TRPV2: variants seen among roughly 807,000 people sequenced by gnomAD.
TRPV2 encodes transient receptor potential cation channel subfamily V member 2.
TRPV2 carries 58 observed loss-of-function variants against 91.0 expected under a neutral mutation model. The ratio of observed to expected loss-of-function variants is 0.64; its 90% confidence interval spans 0.52 to 0.79. The LOEUF (loss-of-function observed/expected upper bound fraction) is 0.79, where lower values mean the gene tolerates loss of function less well. Among genes scored for constraint, TRPV2 ranks in the 30% least tolerant of loss-of-function variants. TRPV2 has a pLI of 0.00. For missense variants in TRPV2, 807 were observed against 969.6 expected, an observed-to-expected ratio of 0.83 and a Z score of 2.23; for synonymous variants, 417 against 414.8, an observed-to-expected ratio of 1.01 and a Z score of -0.06.
chr17:16,420,347 T>C, intron 3 of TRPV2, 99 bp downstream of exon 3: 1 of 1,394,918 alleles, frequency 7.2e-7, no homozygotes, highest in Non-Finnish European at 9.9e-7. Context: ...GAGGAGTGAG[T>C]GTTCTCAGCA....
At chr17:16,422,239 CG>C (rs1568907151) in intron 3 of TRPV2, among the ~76,000 whole-genome samples, 2 of 148,434 alleles carry the variant, frequency 1.3e-5, no homozygotes, top group African/African-American at 5.0e-5. Flanking sequence ...AGGAAAACGG[CG>C]TGAACCTGGG....
At chr17:16,434,264 C>G (rs753094714) in intron 13 of TRPV2, among the ~76,000 whole-genome samples, 2 of 152,120 alleles carry the variant, frequency 1.3e-5, no homozygotes, top group South Asian at 2.1e-4. Context: ...GTCAGGAGAT[C>G]GAGACCATCC....
Position 16,426,624 on chromosome 17 carries a change from C to G in TRPV2, c.1096-98C>G, listed in dbSNP as rs1469670187. On this transcript the variant is annotated intron_variant, in intron 6 of 14. Coordinates refer to ENST00000338560, the MANE Select transcript of TRPV2 (RefSeq NM_016113.5). The surrounding 1 kb of genome is among the most constrained non-coding windows in gnomAD (Gnocchi z 6.0). ...TGTGGAAGCCTGCTCCCTGTCCTCTCTCCTCATTTCCTGGGCCCTTGCTTT... is the reference window on the plus strand; with the variant it reads ...TGTGGAAGCCTGCTCCCTGTCCTCTGTCCTCATTTCCTGGGCCCTTGCTTT... 5 of 1,407,728 alleles carry G rather than the reference C, an allele frequency of 3.6e-6. No individual in the cohort carries two copies. The highest frequency in any genetic ancestry group is 3.9e-6 in the Non-Finnish European group (4 of 1,036,838). 87.2% of individuals were successfully genotyped at this position (1,407,728 alleles called of 1,614,324 possible).
In TRPV2 at chr17:16,415,709, A is replaced by T. The variant is rs1013111327; in HGVS notation, c.-232A>T. On this transcript the variant is annotated 5_prime_UTR_variant, in exon 1 of 15. Coordinates refer to ENST00000338560, the MANE Select transcript of TRPV2 (RefSeq NM_016113.5). This position sits in a 1 kb window ranked among gnomAD's most constrained non-coding sequence, Gnocchi z 4.5. The stretch of plus-strand genomic sequence containing the variant: ...GCTTAGTGCTCAGAGCTGGGGAGGG[A>T]GGTTCCGCCGCTCCTCTGCTGTCAG... 2.0e-5 allele frequency: 3 copies of T among 151,852 alleles called. No homozygotes were observed. The highest frequency in any genetic ancestry group is 7.3e-5 in the African/African-American group (3 of 41,312). The allele number at this position is 151,852 out of a possible 1,614,324, so 9.4% of individuals were successfully genotyped here.
chr17:16,433,756 C>T lies in TRPV2; in HGVS notation c.2114+58C>T. 4 of 1,595,824 alleles carry T rather than the reference C, an allele frequency of 2.5e-6. No homozygotes were observed. The Admixed American group carries it at 5.1e-5, about 20-fold the overall frequency. The stretch of plus-strand genomic sequence containing the variant: ...CTTGCTGTCCAGCAATCCCTGGGGC[C>T]CCCCTGCAGTGCAGGGCACAGCTGC... On this transcript the variant is annotated intron_variant, in intron 13 of 14. Coordinates refer to ENST00000338560, the MANE Select transcript of TRPV2 (RefSeq NM_016113.5).
At chr17:16,428,696 A>G in intron 9 of TRPV2, 121 bp from the exon 10 acceptor site, 1 of 1,093,152 alleles carries the variant, frequency 9.1e-7, no homozygotes. Context: ...GAGGGAACTG[A>G]GGCCCACAGA....
At position 16,429,057 on chromosome 17, in the gene TRPV2, T is replaced by C. The variant is rs2093398262; in HGVS notation, c.1587+75T>C. On this transcript the variant is annotated intron_variant, in intron 10 of 14. Transcript: ENST00000338560. ...GAAGAGCCTTCCTCCACAGCTATCCTAGGCAGAGGAGGGCATGTGTACATC... is the reference window on the plus strand; with the variant it reads ...GAAGAGCCTTCCTCCACAGCTATCCCAGGCAGAGGAGGGCATGTGTACATC... The C allele has an allele frequency of 4.2e-5, 63 of 1,516,616 alleles. 2 individuals carry two copies. In the South Asian group the frequency reaches 7.5e-4, roughly 18 times the overall value. 93.9% of individuals were successfully genotyped at this position (1,516,616 alleles called of 1,614,324 possible).
At chr17:16,428,786 G>T (rs751000263) in intron 9 of TRPV2, 31 bp from the exon 10 acceptor site, 5 of 1,611,622 alleles carry the variant, frequency 3.1e-6, no homozygotes, top group Non-Finnish European at 2.5e-6. Flanking sequence ...CAAGTGGCCC[G>T]CAAGCCCACC....
At position 16,426,409 on chromosome 17, in the gene TRPV2, G is replaced by A. The variant is rs532030957; in HGVS notation, c.1095+140G>A. ...TGTGGCTGCATGTCCCAGCAGGCACGACCCTGACCATGGCCACCGGGCCCA... is the reference window on the plus strand; with the variant it reads ...TGTGGCTGCATGTCCCAGCAGGCACAACCCTGACCATGGCCACCGGGCCCA... On this transcript the variant is annotated intron_variant, in intron 6 of 14. Transcript: ENST00000338560. The surrounding 1 kb of genome is among the most constrained non-coding windows in gnomAD (Gnocchi z 6.0). The A allele has an allele frequency of 4.5e-6, 5 of 1,102,604 alleles. No homozygotes were observed. The South Asian group carries it at 6.1e-5, about 13-fold the overall frequency. 68.3% of individuals were successfully genotyped at this position (1,102,604 alleles called of 1,614,324 possible). A position where few individuals can be genotyped will look rare whatever the true frequency, so the allele number is the denominator to read the frequency against.
In TRPV2 at chr17:16,420,256, C is replaced by T. The variant is rs1011716389; in HGVS notation, c.334+8C>T. 3.1e-6 allele frequency: 5 copies of T among 1,605,544 alleles called. No individual in the cohort carries two copies. Among genetic ancestry groups the T allele is most frequent in the Non-Finnish European group, 4.3e-6 (5 of 1,173,382 alleles). On this transcript the variant is annotated splice_region_variant and intron_variant, in intron 3 of 14. Transcript: ENST00000338560. ...CCGACTCGGAATACACAGGTAGACC[C>T]TGCCCTGTGGATCCAAGGCTAGGCA...
intron 12 of TRPV2, 47 bp downstream of exon 12, chr17:16,432,347 C>T (rs747973760): frequency 3.4e-5 from 52 of 1,541,030 alleles, no homozygotes; most frequent in South Asian, 2.4e-4. Context: ...CACACTCAGG[C>T]GGTGGGGAGT....
rs2093382394 is a variant in TRPV2, at chr17:16,426,217, G to C, written c.1043G>C (p.Ser348Thr). The change falls in exon 6 of 15, where the codon AGC becomes ACC. Residue 348 changes from serine to threonine, a missense_variant. Ser to Thr is a moderately conservative substitution (Grantham distance 58). Transcript: ENST00000338560. This position sits in a 1 kb window ranked among gnomAD's most constrained non-coding sequence, Gnocchi z 6.0. ...VSLYDLASVD[S>T]CEENSVLEII... ...CTGTATGACCTGGCTTCTGTGGACA[G>C]CTGTGAGGAGAACTCAGTGCTGGAG... The C allele has an allele frequency of 6.2e-7, 1 of 1,614,102 alleles. No homozygotes were observed. The highest frequency in any genetic ancestry group is 8.5e-7 in the Non-Finnish European group (1 of 1,180,042).
chr17:16,429,167 CA>C (rs1020654231), intron 10 of TRPV2, among the ~76,000 whole-genome samples, 185 bp downstream of exon 10: 2 of 152,228 alleles, frequency 1.3e-5, no homozygotes, highest in African/African-American at 4.8e-5. Flanking sequence ...TCTGCATGCA[CA>C]CGCAAACAAA....
At chr17:16,429,339 AG>A (rs1185556292) in intron 10 of TRPV2, among the ~76,000 whole-genome samples, 2 of 152,238 alleles carry the variant, frequency 1.3e-5, no homozygotes, top group Non-Finnish European at 2.9e-5. Flanking sequence ...GCGCATGTTT[AG>A]GGAGTGCCTA....
At chr17:16,425,978 C>G (rs117341820) in intron 5 of TRPV2, 121 bp from the exon 6 acceptor site, 2 of 1,080,704 alleles carry the variant, frequency 1.9e-6, no homozygotes, top group Admixed American at 2.0e-5. Context: ...GGTACGTGCA[C>G]GTGTCAGCTG....
At position 16,428,363 on chromosome 17, in the gene TRPV2, T is replaced by C. The variant is rs1305047105; in HGVS notation, c.1397T>C (p.Ile466Thr). The stretch of plus-strand genomic sequence containing the variant: ...CACGTGTTCATCTGGATCTCGTTCA[T>C]AGACAGCTACTTTGAAATCCTCTTG... ...RRHVFIWISFIDSYFEILFLF... is the reference protein window; with the variant it reads ...RRHVFIWISFTDSYFEILFLF... Residue 466 changes from isoleucine to threonine, a missense_variant, in exon 9 of 15, where the codon ATA (isoleucine) becomes ACA (threonine). By Grantham distance (89) the Ile-to-Thr change is moderately conservative. Transcript: ENST00000338560. 7 of 1,614,194 alleles carry C rather than the reference T, an allele frequency of 4.3e-6. No homozygotes were observed. In the East Asian group the frequency reaches 8.9e-5, roughly 21 times the overall value.
chr17:16,423,883 A>C (rs73287067), intron 5 of TRPV2, 116 bp downstream of exon 5: 2 of 1,000,250 alleles, frequency 2.0e-6, no homozygotes, highest in East Asian at 2.6e-5. Context: ...CTGCTTTTCA[A>C]TGGAACACTC....
chr17:16,417,150 C>T (rs556438576), intron 1 of TRPV2, among the ~76,000 whole-genome samples: 1 of 152,300 alleles, frequency 6.6e-6, no homozygotes, highest in Non-Finnish European at 1.5e-5. Context: ...TCCCTCCTGG[C>T]CCACTTCCCC....
chr17:16,428,761 G>T, intron 9 of TRPV2, 56 bp from the exon 10 acceptor site: 1 of 1,604,410 alleles, frequency 6.2e-7, no homozygotes, highest in Non-Finnish European at 8.5e-7. Flanking sequence ...ATAGGCCAGT[G>T]GGGGCTCAGG....
Sources: gnomAD v4.1 joint callset for allele counts (sites outside exome capture counted in the v4.1 genomes callset) on GRCh38, gnomAD v4.1.1 for gene constraint, Gnocchi (gnomAD v3.1) non-coding constraint, MANE v1.5 for transcripts, NCBI Gene and HGNC (gene_info 2026-07-23, HGNC 2026-07-21) for gene names.